RASSF4: variants seen among roughly 807,000 people sequenced by gnomAD.
RASSF4 encodes the protein Ras association domain family member 4.
A neutral mutation model predicts 41.1 loss-of-function variants in RASSF4; 38 were observed. The ratio of observed to expected loss-of-function variants is 0.92; its 90% CI spans 0.71 to 1.21. The LOEUF (loss-of-function observed/expected upper bound fraction) is 1.21, where lower values mean the gene tolerates loss of function less well. Ranked by LOEUF, RASSF4 falls within the 50% of genes most tolerant of loss-of-function variation. The pLI, the probability that RASSF4 is intolerant of heterozygous loss-of-function variation, is 0.00. For synonymous variants in RASSF4, 179 were observed against 163.4 expected, an observed-to-expected ratio of 1.10 and a Z score of -0.73; for missense variants, 414 against 419.4, an observed-to-expected ratio of 0.99 and a Z score of 0.11.
chr10:44,984,478 A>C, intron 5 of RASSF4: 1 of 482,930 alleles, frequency 2.1e-6, no homozygotes, highest in Non-Finnish European at 3.7e-6. Flanking sequence ...CATCCTTTTT[A>C]TTCCCCTTCC....
chr10:44,974,587 C>T (rs1470752330), intron 3 of RASSF4, among the ~76,000 whole-genome samples: 2 of 151,050 alleles, frequency 1.3e-5, no homozygotes, highest in Non-Finnish European at 2.9e-5. Context: ...AAGGGCTCAC[C>T]ACCCGGGGCG....
Position 44,991,066 on chromosome 10 carries a change from T to G in RASSF4, c.804T>G (p.His268Gln), listed in dbSNP as rs1417469532. The change falls in exon 9 of 11, where the codon CAT becomes CAG. Residue 268 changes from histidine (H) to glutamine (Q), a missense_variant. His to Gln is a conservative substitution (Grantham distance 24). Coordinates refer to ENST00000340258, the MANE Select transcript of RASSF4 (RefSeq NM_032023.4). Reference sequence around the variant, plus strand: ...CTGACTTGGGCGTGGAAGTCCCCCATGAAGTGAGTGGGGGCCAAGGCTGGG... The same window carrying G: ...CTGACTTGGGCGTGGAAGTCCCCCAGGAAGTGAGTGGGGGCCAAGGCTGGG... ...MEADLGVEVP[H>Q]EVAQYIKFEM... is the part of the protein sequence containing the mutation. 6.2e-7 allele frequency: 1 copy of G among 1,611,890 alleles called. No individual in the cohort carries two copies. The highest frequency in any genetic ancestry group is 1.1e-5 in the South Asian group (1 of 90,982).
At chr10:44,983,970 G>A (rs2132794592) in intron 4 of RASSF4, 52 bp from the exon 5 acceptor site, 2 of 1,553,862 alleles carry the variant, frequency 1.3e-6, no homozygotes, top group South Asian at 2.4e-5. Context: ...CTTGGCCTGA[G>A]CTCCCTTTCT....
intron 3 of RASSF4, chr10:44,982,234 G>A (rs1432739520): frequency 4.5e-5 from 21 of 464,096 alleles, no homozygotes; most frequent in African/African-American, 8.3e-5. Context: ...CGGTGTGGAC[G>A]TGCCTGCCGG....
intron 3 of RASSF4, chr10:44,977,818 C>T (rs1416717903): frequency 3.1e-6 from 5 of 1,602,946 alleles, no homozygotes; most frequent in Non-Finnish European, 4.3e-6. Flanking sequence ...TCCGGCAGGC[C>T]TGGGCTGGCC....
intron 3 of RASSF4, among the ~76,000 whole-genome samples, chr10:44,974,509 AG>A (rs1841312489): frequency 1.3e-5 from 2 of 152,204 alleles, no homozygotes; most frequent in Non-Finnish European, 2.9e-5. Flanking sequence ...ATCAGTGAAC[AG>A]GTCTCAGGGA....
chr10:44,986,408 C>T (rs1287697190), intron 6 of RASSF4, among the ~76,000 whole-genome samples: 1 of 152,210 alleles, frequency 6.6e-6, no homozygotes, highest in Non-Finnish European at 1.5e-5. Flanking sequence ...GTTTTCATCG[C>T]AGCCTCTCAT....
chr10:44,985,200 G>T (rs1005693121), intron 6 of RASSF4, among the ~76,000 whole-genome samples: 4 of 152,346 alleles, frequency 2.6e-5, no homozygotes, highest in Middle Eastern at 3.4e-3. Flanking sequence ...AGTAAGCTGG[G>T]GATGCCCTGG....
chr10:44,973,098 TCA>T (rs1485842458), intron 3 of RASSF4, among the ~76,000 whole-genome samples: 2 of 152,138 alleles, frequency 1.3e-5, no homozygotes, highest in Non-Finnish European at 2.9e-5. Flanking sequence ...GGTACAAACC[TCA>T]CACTCTGCCT....
rs1842028749 is a variant in RASSF4, at chr10:44,989,354, C to T, written c.612C>T (p.Thr204=). 2 of 1,612,944 alleles carry T rather than the reference C, an allele frequency of 1.2e-6. No individual in the cohort carries two copies. The highest frequency in any genetic ancestry group is 1.3e-5 in the African/African-American group (1 of 74,890). The change falls in exon 7 of 11, where the codon ACC becomes ACT. Residue 204 remains threonine, a synonymous_variant. Coordinates refer to ENST00000340258, the MANE Select transcript of RASSF4 (RefSeq NM_032023.4). ...NSTMTTLQVL[T]LLLNKFRVED... Reference sequence around the variant, plus strand: ...CCATGACAACCCTGCAGGTGCTCACCCTGCTGCTGAACAAATTTAGGGTAA... The same window carrying T: ...CCATGACAACCCTGCAGGTGCTCACTCTGCTGCTGAACAAATTTAGGGTAA...
At chr10:44,962,277 A>G (rs867241929) in intron 1 of RASSF4, among the ~76,000 whole-genome samples, 8 of 152,258 alleles carry the variant, frequency 5.3e-5, no homozygotes, top group African/African-American at 1.9e-4. Context: ...TTCAGCAGAG[A>G]TTCTAAACCT....
intron 1 of RASSF4, among the ~76,000 whole-genome samples, chr10:44,960,255 A>AG (rs931497309): frequency 1.8e-4 from 28 of 152,176 alleles, no homozygotes; most frequent in South Asian, 2.1e-4. Flanking sequence ...TAATAGCAGC[A>AG]GGGGGGGTCT....
At chr10:44,977,289 AT>A in intron 3 of RASSF4, 1 of 1,438,170 alleles carries the variant, frequency 7.0e-7, no homozygotes, top group South Asian at 1.5e-5. Context: ...GCAGAAAAGC[AT>A]TTCCCTTTCA....
intron 6 of RASSF4, among the ~76,000 whole-genome samples, chr10:44,985,382 G>T (rs941552277): frequency 6.6e-6 from 1 of 152,214 alleles, no homozygotes; most frequent in Non-Finnish European, 1.5e-5. Flanking sequence ...GAACCTGGAC[G>T]ACCCCAGATT....
intron 1 of RASSF4, among the ~76,000 whole-genome samples, chr10:44,964,386 C>A (rs986066466): frequency 1.3e-5 from 2 of 152,180 alleles, no homozygotes; most frequent in African/African-American, 4.8e-5. Flanking sequence ...GGGAGGGGAA[C>A]GGGCCCAGAC....
intron 3 of RASSF4, among the ~76,000 whole-genome samples, chr10:44,980,278 G>T (rs138178334): frequency 6.6e-6 from 1 of 152,220 alleles, no homozygotes; most frequent in Non-Finnish European, 1.5e-5. Context: ...TTCTCACCTT[G>T]CCCAAGCTCT....
chr10:44,984,910 T>A lies in RASSF4; in HGVS notation c.471T>A (p.Gly157=). ...GGAGGCCCAAGTGCCGCGCCCCCGG[T>A]GAGGCCCAGCGCATCCGGCGACACC... ...SQRRPKCRAP[G]EAQRIRRHRF... Residue 157 remains glycine, a synonymous_variant, in exon 6 of 11, where the codon GGT becomes GGA. Coordinates refer to ENST00000340258, the MANE Select transcript of RASSF4 (RefSeq NM_032023.4). The A allele has an allele frequency of 6.2e-7, 1 of 1,613,452 alleles. No homozygotes were observed. The highest frequency in any genetic ancestry group is 8.5e-7 in the Non-Finnish European group (1 of 1,179,992).
At chr10:44,993,103 T>C (rs554290242) in intron 10 of RASSF4, among the ~76,000 whole-genome samples, 166 bp from the exon 11 acceptor site, 17 of 152,336 alleles carry the variant, frequency 1.1e-4, no homozygotes, top group South Asian at 4.1e-4. Context: ...CTGGTTTGAC[T>C]GCACCTCATG....
At chr10:44,960,345 A>ACTCCTC (rs1840661934) in intron 1 of RASSF4, among the ~76,000 whole-genome samples, 1 of 152,224 alleles carries the variant, frequency 6.6e-6, no homozygotes, top group Admixed American at 6.5e-5. Context: ...TACTCCTCAC[A>ACTCCTC]GCAAGTGAGA....
Sources: gnomAD v4.1 joint callset for allele counts (sites outside exome capture counted in the v4.1 genomes callset) on GRCh38, gnomAD v4.1.1 for gene constraint, MANE v1.5 for transcripts, NCBI Gene and HGNC (gene_info 2026-07-23, HGNC 2026-07-21) for gene names.